Variants in ABHD18 observed in about 807,000 individuals in gnomAD.
ABHD18 encodes abhydrolase domain containing 18, also known as cardiolipin-specific deacylase, mitochondrial.
ABHD18 carries 55 observed loss-of-function variants against 65.9 expected under a neutral mutation model. That is an observed-to-expected ratio of 0.84 (90% confidence interval 0.67 to 1.05). The LOEUF (loss-of-function observed/expected upper bound fraction) is 1.05, where lower values mean the gene tolerates loss of function less well. Among genes scored for constraint, ABHD18 ranks in the 50% least tolerant of loss-of-function variants. ABHD18 has a pLI of 0.00. For missense variants in ABHD18, 533 were observed against 558.5 expected, an observed-to-expected ratio of 0.95 and a Z score of 0.46; for synonymous variants, 181 against 180.2, an observed-to-expected ratio of 1.00 and a Z score of -0.04.
intron 1 of ABHD18, among the ~76,000 whole-genome samples, chr4:127,975,132 GT>G (rs1213052309): frequency 6.6e-6 from 1 of 151,132 alleles, no homozygotes; most frequent in East Asian, 1.9e-4. Context: ...TGTTTTCTCA[GT>G]TTTTTTTCTT....
rs1316228305 is a variant in ABHD18, at chr4:128,027,377, T to C, written c.802-1098T>C. Among the ~76,000 whole-genome samples, 4 of 152,252 alleles carry C rather than the reference T, an allele frequency of 2.6e-5. No homozygotes were observed. In the East Asian group the frequency reaches 5.8e-4, roughly 22 times the overall value. On this transcript the variant is annotated intron_variant, in intron 10 of 12. Transcript: ENST00000645843. ...TTAGAATATAGTTTTGAGACTTTAA[T>C]AGGCAATATTTCTTTTTTTCTTGAT...
chr4:128,002,040 C>T (rs971591659), intron 4 of ABHD18, among the ~76,000 whole-genome samples: 3 of 151,934 alleles, frequency 2.0e-5, no homozygotes, highest in Non-Finnish European at 2.9e-5. Flanking sequence ...TTTGGGAGGA[C>T]GACGCAGGTG....
chr4:128,037,289 C>CT lies in ABHD18; in HGVS notation c.*1477dup, dbSNP rs1292490121. The CT allele has an allele frequency of 6.6e-6, 1 of 152,180 alleles. No homozygotes were observed. Among genetic ancestry groups the CT allele is most frequent in the Non-Finnish European group, 1.5e-5 (1 of 68,082 alleles). The allele number at this position is 152,180 out of a possible 1,614,324, so 9.4% of individuals were successfully genotyped here. ...CCAGCCTAGGAGAAGGAGCAAGACTCTGTCTCAAAACAAAACAAAATGCCA... is the reference window on the plus strand; with the variant it reads ...CCAGCCTAGGAGAAGGAGCAAGACTCTTGTCTCAAAACAAAACAAAATGCCA... On this transcript the variant is annotated 3_prime_UTR_variant, in exon 13 of 13. Coordinates refer to ENST00000645843, the MANE Select transcript of ABHD18 (RefSeq NM_001358451.3).
intron 4 of ABHD18, chr4:128,001,812 C>A: frequency 1.3e-6 from 2 of 1,488,790 alleles, no homozygotes; most frequent in Non-Finnish European, 1.8e-6. Context: ...TTTGTATATC[C>A]TTAGTGGTTA....
intron 9 of ABHD18, among the ~76,000 whole-genome samples, chr4:128,020,781 C>T (rs1756361217): frequency 6.6e-6 from 1 of 152,180 alleles, no homozygotes; most frequent in Non-Finnish European, 1.5e-5. Context: ...CGCCTGTAAT[C>T]CCAGCACTTT....
intron 4 of ABHD18, among the ~76,000 whole-genome samples, chr4:127,994,930 A>G (rs1004644126): frequency 8.5e-5 from 13 of 152,100 alleles, no homozygotes; most frequent in Non-Finnish European, 1.6e-4. Context: ...CCCAGGCTGG[A>G]GTGCAGTGGC....
At chr4:128,017,317 G>A in intron 7 of ABHD18, 46 bp from the exon 8 acceptor site, 2 of 1,587,388 alleles carry the variant, frequency 1.3e-6, no homozygotes, top group Non-Finnish European at 8.6e-7. Context: ...ATATTAGCAT[G>A]TAAATACATA....
chr4:127,976,240 G>C (rs189817302), intron 1 of ABHD18, among the ~76,000 whole-genome samples: 4,433 of 152,072 alleles, frequency 0.029, 198 homozygotes, highest in African/African-American at 0.1. Context: ...ATGGCCTATT[G>C]TTCAACCTGC....
intron 4 of ABHD18, among the ~76,000 whole-genome samples, chr4:128,008,137 C>A (rs1196126611): frequency 4.6e-5 from 7 of 151,828 alleles, no homozygotes; most frequent in African/African-American, 1.7e-4. Flanking sequence ...TGGTGTGGGC[C>A]TGTACTCCTA....
chr4:127,982,682 T>TA lies in ABHD18; in HGVS notation c.-17-256dup, dbSNP rs75806858. On this transcript the variant is annotated intron_variant, in intron 1 of 12. Transcript: ENST00000645843. ...TTTTATCCAGCAAATAGAGGGTACTTATTTCAGCAACTGTACTGAGGATGG... is the reference window on the plus strand; with the variant it reads ...TTTTATCCAGCAAATAGAGGGTACTTAATTTCAGCAACTGTACTGAGGATGG... Among the ~76,000 whole-genome samples the TA allele has an allele frequency of 2.4e-3, 364 of 152,336 alleles. 14 individuals are homozygous for TA. The East Asian group carries it at 0.062, about 26-fold the overall frequency.
chr4:128,022,971 A>G (rs1184387076), intron 10 of ABHD18, among the ~76,000 whole-genome samples: 1 of 152,006 alleles, frequency 6.6e-6, no homozygotes, highest in African/African-American at 2.4e-5. Context: ...GGGTTTCACC[A>G]TATTGGTCAG....
intron 4 of ABHD18, among the ~76,000 whole-genome samples, chr4:127,990,661 CGTG>C (rs988008396): frequency 2.0e-5 from 3 of 151,872 alleles, no homozygotes; most frequent in Admixed American, 6.6e-5. Flanking sequence ...AATTAAGAAA[CGTG>C]GTAACTTAGA....
chr4:128,018,105 A>G (rs1345885924), intron 8 of ABHD18, among the ~76,000 whole-genome samples: 1 of 152,126 alleles, frequency 6.6e-6, no homozygotes. Context: ...TCTTTCACCT[A>G]GGAGTAACAG....
intron 12 of ABHD18, chr4:128,031,014 CTGA>C: frequency 9.7e-7 from 1 of 1,026,726 alleles, no homozygotes; most frequent in Non-Finnish European, 1.2e-6. Flanking sequence ...TCACTCTATT[CTGA>C]TGTTTTTTCA....
intron 4 of ABHD18, among the ~76,000 whole-genome samples, chr4:128,000,279 C>T (rs1159879933): frequency 6.6e-6 from 1 of 152,162 alleles, no homozygotes; most frequent in East Asian, 1.9e-4. Flanking sequence ...AGCCTTTAAT[C>T]CATCTTGAGT....
At position 128,029,074 on chromosome 4, in the gene ABHD18, G is replaced by A. The variant is rs139020959; in HGVS notation, c.1180+221G>A. ...TCATTAAGAAACACACTGGACAGCCGGGTGTGGTTGCTCATGCCTGTAATC... is the reference window on the plus strand; with the variant it reads ...TCATTAAGAAACACACTGGACAGCCAGGTGTGGTTGCTCATGCCTGTAATC... On this transcript the variant is annotated intron_variant, in intron 11 of 12. Coordinates refer to ENST00000645843, the MANE Select transcript of ABHD18 (RefSeq NM_001358451.3). 7.0e-3 allele frequency among the ~76,000 whole-genome samples: 1,068 copies of A among 152,090 alleles called. 27 individuals are homozygous for A. The highest frequency in any genetic ancestry group is 0.033 in the East Asian group (170 of 5,168).
intron 6 of ABHD18, chr4:128,009,453 T>C (rs1430295345): frequency 1.2e-5 from 3 of 257,490 alleles, no homozygotes; most frequent in Non-Finnish European, 2.2e-5. Context: ...ATTTTAATAT[T>C]AGTAAGTCAA....
intron 4 of ABHD18, among the ~76,000 whole-genome samples, chr4:128,000,437 T>C (rs1189119515): frequency 1.3e-5 from 2 of 152,180 alleles, no homozygotes; most frequent in African/African-American, 4.8e-5. Flanking sequence ...TGGTTATAGG[T>C]GTGTGGCTTT....
chr4:128,011,484 T>G (rs1754557473), intron 6 of ABHD18, among the ~76,000 whole-genome samples, 189 bp from the exon 7 acceptor site: 1 of 151,404 alleles, frequency 6.6e-6, no homozygotes, highest in Non-Finnish European at 1.5e-5. Flanking sequence ...AGCTGGTTTT[T>G]TTTTTTTTTT....
Sources: allele counts gnomAD v4.1 joint callset (sites outside exome capture counted in the v4.1 genomes callset), GRCh38; gene constraint gnomAD v4.1.1; transcripts MANE v1.5; gene names NCBI Gene and HGNC (gene_info 2026-07-23, HGNC 2026-07-21).